Variants in FAM178B observed in about 807,000 individuals in gnomAD.
FAM178B encodes family with sequence similarity 178 member B.
FAM178B carries 82 observed loss-of-function variants against 91.7 expected under a neutral mutation model. The observed-to-expected ratio is 0.89, with a 90% confidence interval of 0.75 to 1.07. FAM178B has a LOEUF of 1.07. FAM178B is among the 50% of genes least tolerant of loss of function. The pLI, the probability that FAM178B is intolerant of heterozygous loss-of-function variation, is 0.00. For synonymous variants in FAM178B, 368 were observed against 359.4 expected, an observed-to-expected ratio of 1.02 and a Z score of -0.27; for missense variants, 769 against 846.7, an observed-to-expected ratio of 0.91 and a Z score of 1.14.
intron 14 of FAM178B, 115 bp downstream of exon 14, chr2:96,893,811 C>G: frequency 7.6e-7 from 1 of 1,314,300 alleles, no homozygotes; most frequent in Admixed American, 2.6e-5. Flanking sequence ...CCTGGCATGG[C>G]CCTGGGGTTC....
rs1260096283 is a variant in FAM178B, at chr2:96,947,995, T to C, written c.994-93A>G. 15 of 675,296 alleles carry C rather than the reference T, an allele frequency of 2.2e-5. 1 individual carries two copies. In the Admixed American group the frequency reaches 3.1e-4, roughly 14 times the overall value. The allele number at this position is 675,296 out of a possible 1,614,324, so 41.8% of individuals were successfully genotyped here. A position where few individuals can be genotyped will look rare whatever the true frequency, so the allele number is the denominator to read the frequency against. On this transcript the variant is annotated intron_variant, in intron 7 of 16. Transcript: ENST00000490605. ...CAAACTTCTATTACTCCACGTTAAA[T>C]AAATCCCATTTAATTCTCATAAGTC...
At position 96,878,458 on chromosome 2, in the gene FAM178B, G is replaced by T. The variant is rs772401402; in HGVS notation, c.1812C>A (p.Ala604=). 2.5e-6 allele frequency: 4 copies of T among 1,613,898 alleles called. No individual in the cohort carries two copies. The highest frequency in any genetic ancestry group is 3.3e-4 in the Middle Eastern group (2 of 6,052). The change falls in exon 15 of 17, where the codon GCC becomes GCA. Residue 604 remains alanine, a synonymous_variant. Transcript: ENST00000490605. ...TGTCCTGGCAGCTAACAACTACCCC[G>T]GCCAGCATCAGCAAGCTGTGGCACA... ...CYLCHSLLML[A]GVVVSCQDIT...
chr2:96,929,364 G>A lies in FAM178B; in HGVS notation c.1079-44C>T, dbSNP rs907625611. 4.3e-6 allele frequency: 6 copies of A among 1,410,064 alleles called. No individual in the cohort carries two copies. The African/African-American group carries it at 5.7e-5, about 13-fold the overall frequency. 87.3% of individuals were successfully genotyped at this position (1,410,064 alleles called of 1,614,324 possible). On this transcript the variant is annotated intron_variant, in intron 8 of 16. Coordinates refer to ENST00000490605, the MANE Select transcript of FAM178B (RefSeq NM_001122646.3). ...GCAGAGAGTTAGAATGGGGAACGGAGGGCAGGGTGCACCACTCCCACTGAA... is the reference window on the plus strand; with the variant it reads ...GCAGAGAGTTAGAATGGGGAACGGAAGGCAGGGTGCACCACTCCCACTGAA...
chr2:96,960,466 C>T (rs372370015), intron 5 of FAM178B, 26 bp from the exon 6 acceptor site: 19 of 1,515,188 alleles, frequency 1.3e-5, no homozygotes, highest in Admixed American at 2.0e-5. Flanking sequence ...GCAGGAGGGC[C>T]GGGCATCAGC....
intron 9 of FAM178B, among the ~76,000 whole-genome samples, chr2:96,926,560 G>GAGCTCCCC (rs1465779650): frequency 6.6e-6 from 1 of 152,156 alleles, no homozygotes; most frequent in Non-Finnish European, 1.5e-5. Flanking sequence ...GGATGCTGAT[G>GAGCTCCCC]AGCTCCCCCA....
chr2:96,933,499 G>A (rs2081576462), intron 8 of FAM178B, among the ~76,000 whole-genome samples: 1 of 152,162 alleles, frequency 6.6e-6, no homozygotes, highest in African/African-American at 2.4e-5. Context: ...ACATGGAATT[G>A]GAAATCCATG....
At chr2:96,920,236 G>T (rs1265627009) in intron 12 of FAM178B, among the ~76,000 whole-genome samples, 1 of 152,208 alleles carries the variant, frequency 6.6e-6, no homozygotes, top group Non-Finnish European at 1.5e-5. Context: ...GGAGAGAGAA[G>T]CCGGGCCAGA....
rs557086391 is a variant in FAM178B, at chr2:96,882,359, T to C, written c.1777-3866A>G. Among the ~76,000 whole-genome samples the C allele has an allele frequency of 4.6e-5, 7 of 152,336 alleles. No individual in the cohort carries two copies. In the East Asian group the frequency reaches 1.4e-3, roughly 29 times the overall value. On this transcript the variant is annotated intron_variant, in intron 14 of 16. Coordinates refer to ENST00000490605, the MANE Select transcript of FAM178B (RefSeq NM_001122646.3). ...AGCTGGCTTGCTGGTGATGCACTGC[T>C]GGCGGCTCCCTGAGCTCCCTTCCCT...
intron 16 of FAM178B, 121 bp downstream of exon 16, chr2:96,877,769 C>T: frequency 1.0e-6 from 1 of 1,004,366 alleles, no homozygotes; most frequent in Non-Finnish European, 1.4e-6. Context: ...ATGCCCACTC[C>T]ACCCATATCC....
intron 8 of FAM178B, among the ~76,000 whole-genome samples, chr2:96,932,266 A>T (rs972472021): frequency 2.0e-5 from 3 of 152,130 alleles, no homozygotes; most frequent in African/African-American, 7.2e-5. Context: ...GCTGGGCATC[A>T]TCCCTTCTCC....
intron 4 of FAM178B, among the ~76,000 whole-genome samples, chr2:96,968,697 G>A (rs60283912): frequency 0.81 from 122,294 of 151,720 alleles, 50,627 homozygotes; most frequent in Non-Finnish European, 0.88. Context: ...CTGTGAGCCC[G>A]TCCCAGGCCC....
intron 6 of FAM178B, among the ~76,000 whole-genome samples, chr2:96,955,908 C>A (rs1043987019): frequency 1.3e-5 from 2 of 152,336 alleles, no homozygotes; most frequent in East Asian, 3.9e-4. Context: ...AGAGGCGGGG[C>A]TGCCGGGCCT....
Position 96,963,738 on chromosome 2 carries a change from T to C in FAM178B, c.735-3298A>G, listed in dbSNP as rs189975749. 2.3e-3 allele frequency among the ~76,000 whole-genome samples: 343 copies of C among 152,354 alleles called. 4 individuals carry two copies. The highest frequency in any genetic ancestry group is 6.5e-4 in the Non-Finnish European group (44 of 68,032). On this transcript the variant is annotated intron_variant, in intron 5 of 16. Coordinates refer to ENST00000490605, the MANE Select transcript of FAM178B (RefSeq NM_001122646.3). ...ACAAGGGCTCACTGCAGCACAGCCA[T>C]GCGCCTTCATTCACCCAGCATCTGC...
rs76424137 is a variant in FAM178B at position 96,918,769 on chromosome 2, A to G, written c.1562+2396T>C. ...TTAAAGAAAAGAAAGAAATGAAATCAGTAGTCAGACAGCCCAGTGCTGCGT... is the reference window on the plus strand; with the variant it reads ...TTAAAGAAAAGAAAGAAATGAAATCGGTAGTCAGACAGCCCAGTGCTGCGT... On this transcript the variant is annotated intron_variant, in intron 12 of 16. Transcript: ENST00000490605. Among the ~76,000 whole-genome samples, 25 of 152,348 alleles carry G rather than the reference A, an allele frequency of 1.6e-4. No individual in the cohort carries two copies. The East Asian group carries it at 4.2e-3, about 26-fold the overall frequency.
rs2082425217 is a variant in FAM178B, at chr2:96,986,393, G to T, written c.-80C>A. The T allele has an allele frequency of 6.8e-7, 1 of 1,475,758 alleles. No individual in the cohort carries two copies. The highest frequency in any genetic ancestry group is 9.0e-7 in the Non-Finnish European group (1 of 1,114,968). 91.4% of individuals were successfully genotyped at this position (1,475,758 alleles called of 1,614,324 possible). A position where few individuals can be genotyped will look rare whatever the true frequency, so the allele number is the denominator to read the frequency against. ...CCTCAGAGGACGGGGCCAGCTAGCCGGGAAAGGAAGCAGGAGCAGGCTCCC... is the reference window on the plus strand; with the variant it reads ...CCTCAGAGGACGGGGCCAGCTAGCCTGGAAAGGAAGCAGGAGCAGGCTCCC... On this transcript the variant is annotated 5_prime_UTR_variant, in exon 1 of 17. Coordinates refer to ENST00000490605, the MANE Select transcript of FAM178B (RefSeq NM_001122646.3).
intron 16 of FAM178B, among the ~76,000 whole-genome samples, chr2:96,877,368 G>A (rs2080268453): frequency 6.6e-6 from 1 of 151,138 alleles, no homozygotes; most frequent in Non-Finnish European, 1.5e-5. Flanking sequence ...GCTTCTCTGT[G>A]TCCCCTTCCC....
chr2:96,881,608 T>G (rs1451598128), intron 14 of FAM178B, among the ~76,000 whole-genome samples: 2 of 151,730 alleles, frequency 1.3e-5, no homozygotes, highest in Admixed American at 1.3e-4. Flanking sequence ...GGGGAGGGTC[T>G]GAGATCTGAG....
chr2:96,920,777 T>C (rs1279467913), intron 12 of FAM178B, among the ~76,000 whole-genome samples: 1 of 150,866 alleles, frequency 6.6e-6, no homozygotes, highest in Non-Finnish European at 1.5e-5. Context: ...CATGGGTAAA[T>C]GCTAGGCAGA....
At chr2:96,950,359 T>C (rs984485556) in intron 7 of FAM178B, among the ~76,000 whole-genome samples, 2 of 152,122 alleles carry the variant, frequency 1.3e-5, no homozygotes, top group African/African-American at 2.4e-5. Context: ...AGCAGCTACA[T>C]ACCAGGGCCC....
Sources: allele counts gnomAD v4.1 joint callset (sites outside exome capture counted in the v4.1 genomes callset), GRCh38; gene constraint gnomAD v4.1.1; transcripts MANE v1.5; gene names NCBI Gene and HGNC (gene_info 2026-07-23, HGNC 2026-07-21).